The following COL6A3 variants were observed in gnomAD, a reference collection of about 807,000 sequenced individuals.
COL6A3 encodes the protein collagen alpha-3(VI) chain.
Under a neutral mutation model 274.1 loss-of-function variants are expected in COL6A3, and 137 were observed. The ratio of observed to expected loss-of-function variants is 0.50; its 90% CI spans 0.44 to 0.58. The LOEUF (loss-of-function observed/expected upper bound fraction) is 0.58, where lower values mean the gene tolerates loss of function less well. Ranked by LOEUF, COL6A3 falls within the 20% of genes least tolerant of loss-of-function variation. The pLI is 0.00. For synonymous variants in COL6A3, 1,650 were observed against 1,650.6 expected (o/e 1.00, Z 0.01); for missense variants, 3,950 against 4,124.9 (o/e 0.96, Z 1.16).
intron 42 of COL6A3, chr2:237,328,873 G>C (rs1483456773): frequency 6.6e-6 from 1 of 152,056 alleles, no homozygotes. Context: ...TCAGTTTAAT[G>C]GTCCCCAAAA....
chr2:237,378,803 C>T lies in COL6A3; in HGVS notation c.2330G>A (p.Gly777Glu). The T allele has an allele frequency of 1.2e-6, 2 of 1,614,212 alleles. No individual in the cohort carries two copies. The highest frequency in any genetic ancestry group is 1.7e-6 in the Non-Finnish European group (2 of 1,180,024). The change falls in exon 6 of 44, where the codon GGA becomes GAA. Residue 777 changes from glycine to glutamate, a missense_variant. Physicochemically the swap from Gly to Glu is moderately conservative, Grantham distance 98. Transcript: ENST00000295550. ...TRAGILTFCV[G>E]ASQANKAELE... ...CTCTGCCTTATTCGCCTGGCTAGCT[C>T]CCACACAAAAAGTCAGGATGCCCGC...
In COL6A3 at chr2:237,344,165, T is replaced by G. The variant is rs560799514; in HGVS notation, c.7668+185A>C. 4.5e-5 allele frequency: 38 copies of G among 840,812 alleles called. No homozygotes were observed. The African/African-American group carries it at 5.8e-4, about 13-fold the overall frequency. The allele number at this position is 840,812 out of a possible 1,614,324, so 52.1% of individuals were successfully genotyped here. A position where few individuals can be genotyped will look rare whatever the true frequency, so the allele number is the denominator to read the frequency against. ...AGTGCTACAAGCATGTAGGCGTCCCTGTAGTGCTGGAGCCACGAGGTTGTC... is the reference window on the plus strand; with the variant it reads ...AGTGCTACAAGCATGTAGGCGTCCCGGTAGTGCTGGAGCCACGAGGTTGTC... On this transcript the variant is annotated intron_variant, in intron 36 of 43. Coordinates refer to ENST00000295550, the MANE Select transcript of COL6A3 (RefSeq NM_004369.4). This position sits in a 1 kb window ranked among gnomAD's most constrained non-coding sequence, Gnocchi z 4.8.
In COL6A3 at chr2:237,366,794, C is replaced by T. The variant is rs371441617; in HGVS notation, c.5393G>A (p.Arg1798His). 4.2e-5 allele frequency: 67 copies of T among 1,614,272 alleles called. No individual in the cohort carries two copies. In the East Asian group the frequency reaches 5.6e-4, roughly 13 times the overall value. Residue 1798 changes from arginine to histidine, a missense_variant, in exon 11 of 44, where the codon CGC (arginine) becomes CAC (histidine). By Grantham distance (29) the Arg-to-His change is conservative. This residue lies in a region of COL6A3 where 632 missense variants were observed against 623.4 expected (regional missense o/e 1.01). Coordinates refer to ENST00000295550, the MANE Select transcript of COL6A3 (RefSeq NM_004369.4). ...KIASNSATAF[R>H]VGNVQELSEL... Reference sequence around the variant, plus strand: ...GGACAGCTCCTGGACGTTGCCCACGCGGAACGCTGTGGCGCTGTTGGACGC... The same window carrying T: ...GGACAGCTCCTGGACGTTGCCCACGTGGAACGCTGTGGCGCTGTTGGACGC...
chr2:237,358,626 C>T (rs2077369584), intron 20 of COL6A3, 43 bp from the exon 21 acceptor site: 2 of 1,494,716 alleles, frequency 1.3e-6, no homozygotes, highest in Non-Finnish European at 1.9e-6. Context: ...TAGATGTTTC[C>T]ATTTTTATCT....
rs536995515 is a variant in COL6A3 at position 237,332,167 on chromosome 2, T to C, written c.9328+1283A>G. Among the ~76,000 whole-genome samples, 28 of 135,214 alleles carry C rather than the reference T, an allele frequency of 2.1e-4. No individual in the cohort carries two copies. In the South Asian group the frequency reaches 5.3e-3, roughly 26 times the overall value. 88.7% of individuals were successfully genotyped at this position (135,214 alleles called of 152,430 possible). Reference sequence around the variant, plus strand: ...GCCAGACCCTTGCTGAAAGACATTGTTGTTTATATGAATTAGGCACTGTTT... The same window carrying C: ...GCCAGACCCTTGCTGAAAGACATTGCTGTTTATATGAATTAGGCACTGTTT... On this transcript the variant is annotated intron_variant, in intron 42 of 43. Transcript: ENST00000295550.
At chr2:237,381,988 C>T (rs1175367377) in intron 4 of COL6A3, among the ~76,000 whole-genome samples, 1 of 152,246 alleles carries the variant, frequency 6.6e-6, no homozygotes, top group Non-Finnish European at 1.5e-5. Flanking sequence ...TCTATATTCC[C>T]TGTCTTCATT....
rs1700540140 is a variant in COL6A3, at chr2:237,336,276, C to T, written c.8824G>A (p.Ala2942Thr). Residue 2942 changes from alanine to threonine, a missense_variant, in exon 40 of 44, where the codon GCG (alanine) becomes ACG (threonine). Around this residue, in one of 5 missense-constraint regions of COL6A3, gnomAD observed 1,284 missense variants for 1,349.7 expected, o/e 0.95. Coordinates refer to ENST00000295550, the MANE Select transcript of COL6A3 (RefSeq NM_004369.4). ...PPVAVKPATA[A>T]KPVAAKPAAV... Reference sequence around the variant, plus strand: ...GCTGGCTTTGCTGCTACAGGCTTCGCTGCCGTTGCTGGCTTCACCGCCACT... The same window carrying T: ...GCTGGCTTTGCTGCTACAGGCTTCGTTGCCGTTGCTGGCTTCACCGCCACT... 1.9e-6 allele frequency: 3 copies of T among 1,613,938 alleles called. No individual in the cohort carries two copies. The highest frequency in any genetic ancestry group is 2.7e-5 in the African/African-American group (2 of 74,932).
chr2:237,387,592 A>T lies in COL6A3; in HGVS notation c.1302T>A (p.Ile434=). Residue 434 remains isoleucine, a synonymous_variant, in exon 4 of 44, where the codon ATT becomes ATA. Coordinates refer to ENST00000295550, the MANE Select transcript of COL6A3 (RefSeq NM_004369.4). Reference sequence around the variant, plus strand: ...GAAGAGGATACATACCTTGTGTGACAATGGTTGGCGGTTTCAAGACAATGT... The same window carrying T: ...GAAGAGGATACATACCTTGTGTGACTATGGTTGGCGGTTTCAAGACAATGT... ...QRHIVLKPPT[I]VTQVIEVNKR... is the part of the protein sequence containing the mutation. 6.2e-7 allele frequency: 1 copy of T among 1,614,012 alleles called. No homozygotes were observed. The highest frequency in any genetic ancestry group is 1.1e-5 in the South Asian group (1 of 90,996).
Position 237,407,745 on chromosome 2 carries a change from A to G in COL6A3, c.-31+6208T>C, listed in dbSNP as rs757257836. The stretch of plus-strand genomic sequence containing the variant: ...TTTGAAAAGCTAGACGCCACCATGC[A>G]AATGTAAAACACATTCCACATTCTG... On this transcript the variant is annotated intron_variant, in intron 1 of 43. Coordinates refer to ENST00000295550, the MANE Select transcript of COL6A3 (RefSeq NM_004369.4). This position sits in a 1 kb window ranked among gnomAD's most constrained non-coding sequence, Gnocchi z 4.3. Among the ~76,000 whole-genome samples, 6 of 152,264 alleles carry G rather than the reference A, an allele frequency of 3.9e-5. No individual in the cohort carries two copies. The highest frequency in any genetic ancestry group is 7.3e-5 in the Non-Finnish European group (5 of 68,038).
Position 237,379,005 on chromosome 2 carries a change from G to A in COL6A3, c.2128C>T (p.Gln710Ter). ...SDILGHLRQLQLQGGSGLNTG... is the reference protein window; with the variant it reads ...SDILGHLRQL ...TTCAGGCCCGAACCTCCCTGGAGCT[G>A]CAGCTGCCTCAGATGACCAAGGATA... Residue 710 changes from glutamine to a stop codon, truncating the protein, a stop_gained, in exon 6 of 44, where the codon CAG (glutamine) becomes TAG (stop). Transcript: ENST00000295550. LOFTEE classifies it high-confidence loss of function. 1.2e-6 allele frequency: 2 copies of A among 1,614,208 alleles called. No homozygotes were observed. The highest frequency in any genetic ancestry group is 1.1e-5 in the South Asian group (1 of 91,086).
At position 237,352,555 on chromosome 2, in the gene COL6A3, C is replaced by A; in HGVS notation, c.6720G>T (p.Gly2240=). 6.2e-7 allele frequency: 1 copy of A among 1,613,556 alleles called. No individual in the cohort carries two copies. The highest frequency in any genetic ancestry group is 8.5e-7 in the Non-Finnish European group (1 of 1,179,784). ...QGPAGPAGPP[G]LIGEQGISGP... is the part of the protein sequence containing the mutation. ...CAGAAATGCCTTGTTCTCCTATCAG[C>A]CCTGGAGGACCAGCAGGACCAGCTG... The change falls in exon 26 of 44, where the codon GGG becomes GGT. Residue 2240 remains glycine, a synonymous_variant. Transcript: ENST00000295550.
In COL6A3 at chr2:237,358,601, G is replaced by A. The variant is rs375803872; in HGVS notation, c.6409-18C>T. ...TTATCACCCTAAAGAAAAAGCACAA[G>A]TGGATGCTAAAAACTAGATGTTTCC... On this transcript the variant is annotated intron_variant, in intron 20 of 43. Transcript: ENST00000295550. The A allele has an allele frequency of 6.2e-7, 1 of 1,607,974 alleles. No homozygotes were observed. The highest frequency in any genetic ancestry group is 1.3e-5 in the African/African-American group (1 of 74,770).
intron 2 of COL6A3, among the ~76,000 whole-genome samples, chr2:237,395,710 T>C (rs548970815): frequency 1.3e-5 from 2 of 152,322 alleles, no homozygotes; most frequent in African/African-American, 4.8e-5. Context: ...AAAATAAATA[T>C]AATAAATACA....
At chr2:237,347,291 A>T (rs1279450148) in intron 31 of COL6A3, among the ~76,000 whole-genome samples, 1 of 151,336 alleles carries the variant, frequency 6.6e-6, no homozygotes, top group Non-Finnish European at 1.5e-5. Flanking sequence ...AGACCTTGTC[A>T]CACACACACA....
At chr2:237,353,480 C>T in intron 24 of COL6A3, 77 bp from the exon 25 acceptor site, 1 of 1,329,150 alleles carries the variant, frequency 7.5e-7, no homozygotes, top group Non-Finnish European at 1.1e-6. Context: ...ACAGTCATTT[C>T]TGGGCCAGGG....
intron 4 of COL6A3, among the ~76,000 whole-genome samples, chr2:237,384,379 T>TA (rs1449404108): frequency 6.6e-6 from 1 of 152,108 alleles, no homozygotes; most frequent in African/African-American, 2.4e-5. Context: ...AAGGTCCTGC[T>TA]ACTCCTCACC....
intron 39 of COL6A3, 48 bp downstream of exon 39, chr2:237,338,967 A>C (rs1484998065): frequency 6.7e-7 from 1 of 1,490,726 alleles, no homozygotes; most frequent in African/African-American, 1.4e-5. Flanking sequence ...GGACCTGTGC[A>C]TTCCCTGCAG....
At chr2:237,380,648 G>A (rs1309791132) in intron 5 of COL6A3, among the ~76,000 whole-genome samples, 1 of 152,184 alleles carries the variant, frequency 6.6e-6, no homozygotes, top group East Asian at 1.9e-4. Context: ...TGACCTCCTC[G>A]GCCAGAAGCT....
intron 7 of COL6A3, 71 bp from the exon 8 acceptor site, chr2:237,375,091 G>T (rs1394135642): frequency 6.3e-7 from 1 of 1,596,822 alleles, no homozygotes; most frequent in Non-Finnish European, 8.5e-7. Context: ...GAGGTGGGCT[G>T]CATAAGAGCA....
Sources: gnomAD v4.1 joint callset for allele counts (sites outside exome capture counted in the v4.1 genomes callset) on GRCh38, gnomAD v4.1.1 for gene constraint, gnomAD v4.1.1 regional missense constraint, Gnocchi (gnomAD v3.1) non-coding constraint, MANE v1.5 for transcripts, NCBI Gene and HGNC (gene_info 2026-07-23, HGNC 2026-07-21) for gene names.